Variants in TAFA2 observed in about 807,000 individuals in gnomAD.
The protein encoded by TAFA2 is TAFA chemokine like family member 2, also known as chemokine-like protein TAFA-2.
TAFA2 carries 7 observed loss-of-function variants against 18.8 expected under a neutral mutation model. That is an observed-to-expected ratio of 0.37 (90% CI 0.21 to 0.70). The LOEUF (loss-of-function observed/expected upper bound fraction) is 0.70. Among genes scored for constraint, TAFA2 ranks in the 30% least tolerant of loss-of-function variants. The pLI, the probability that TAFA2 is intolerant of heterozygous loss-of-function variation, is 0.53. For synonymous variants in TAFA2, 60 were observed against 54.2 expected (o/e 1.11, Z -0.47); for missense variants, 122 against 158.1 (o/e 0.77, Z 1.23).
intron 2 of TAFA2, among the ~76,000 whole-genome samples, chr12:61,855,505 G>A (rs1327106695): frequency 2.0e-5 from 3 of 152,030 alleles, no homozygotes; most frequent in Non-Finnish European, 4.4e-5. Flanking sequence ...GTGGGAGAAA[G>A]GAGACAGTTA....
At chr12:62,205,134 G>A (rs2062686578) in intron 1 of TAFA2, among the ~76,000 whole-genome samples, 1 of 152,168 alleles carries the variant, frequency 6.6e-6, no homozygotes, top group Non-Finnish European at 1.5e-5. Flanking sequence ...CTTCACCTGG[G>A]TCCCTCCTGC....
chr12:61,846,124 G>C (rs1873394199), intron 2 of TAFA2, among the ~76,000 whole-genome samples: 2 of 152,252 alleles, frequency 1.3e-5, no homozygotes, highest in African/African-American at 4.8e-5. Context: ...TAGCTAAAGA[G>C]CAACAAAAGT....
intron 1 of TAFA2, among the ~76,000 whole-genome samples, chr12:61,973,040 C>T (rs1879304293): frequency 6.6e-6 from 1 of 151,556 alleles, no homozygotes; most frequent in Admixed American, 6.6e-5. Flanking sequence ...AAAGATATTC[C>T]TGTGAATTAT....
intron 1 of TAFA2, among the ~76,000 whole-genome samples, chr12:62,129,299 TA>T (rs1262059848): frequency 1.3e-5 from 2 of 152,040 alleles, no homozygotes; most frequent in African/African-American, 4.8e-5. Flanking sequence ...TAAAGGAGAT[TA>T]AAAACTCATT....
intron 1 of TAFA2, among the ~76,000 whole-genome samples, chr12:62,184,064 T>C (rs2136954179): frequency 6.6e-6 from 1 of 152,324 alleles, no homozygotes; most frequent in South Asian, 2.1e-4. Flanking sequence ...CCTTTAGTCA[T>C]CACCATAATC....
chr12:62,031,437 A>G (rs535848369), intron 1 of TAFA2, among the ~76,000 whole-genome samples: 1 of 152,112 alleles, frequency 6.6e-6, no homozygotes, highest in South Asian at 2.1e-4. Context: ...CAGACGGCCT[A>G]TTGTGGGACC....
chr12:61,841,001 A>G (rs570206892), intron 2 of TAFA2, among the ~76,000 whole-genome samples: 2 of 152,214 alleles, frequency 1.3e-5, no homozygotes, highest in African/African-American at 4.8e-5. Context: ...AGCCTATTCA[A>G]ATGAATTCAT....
intron 1 of TAFA2, among the ~76,000 whole-genome samples, chr12:62,006,624 A>C (rs1482143627): frequency 1.3e-5 from 2 of 152,170 alleles, no homozygotes; most frequent in Non-Finnish European, 2.9e-5. Flanking sequence ...GGGAAATCAT[A>C]CTCAGATGGA....
intron 1 of TAFA2, among the ~76,000 whole-genome samples, chr12:62,249,147 C>A (rs1200056953): frequency 6.6e-6 from 1 of 151,900 alleles, no homozygotes; most frequent in African/African-American, 2.4e-5. Context: ...ACAATGTGAC[C>A]CTCACCCAGT....
rs1296805759 is a variant in TAFA2 at position 62,033,470 on chromosome 12, T to C, written c.-2+157789A>G. Among the ~76,000 whole-genome samples the C allele has an allele frequency of 3.3e-5, 5 of 152,198 alleles. No individual in the cohort carries two copies. The East Asian group carries it at 9.6e-4, about 29-fold the overall frequency. On this transcript the variant is annotated intron_variant, in intron 1 of 4. Coordinates refer to ENST00000416284, the MANE Select transcript of TAFA2 (RefSeq NM_178539.5). ...ATCAGATCCCAAAGACTCTGCTCCC[T>C]AGACAAAGATTTTCTTTCACCAGTG...
intron 1 of TAFA2, among the ~76,000 whole-genome samples, chr12:62,142,914 A>G (rs1352128225): frequency 1.3e-5 from 2 of 152,178 alleles, no homozygotes; most frequent in African/African-American, 4.8e-5. Flanking sequence ...GAACGCTATT[A>G]TATAAGTACT....
At chr12:61,915,935 C>T (rs770393754) in intron 1 of TAFA2, among the ~76,000 whole-genome samples, 1 of 152,192 alleles carries the variant, frequency 6.6e-6, no homozygotes, top group African/African-American at 2.4e-5. Flanking sequence ...CAATGTTTTA[C>T]CAACTAGCTC....
intron 1 of TAFA2, among the ~76,000 whole-genome samples, chr12:62,098,428 G>A (rs1869041154): frequency 6.6e-6 from 1 of 152,180 alleles, no homozygotes; most frequent in African/African-American, 2.4e-5. Flanking sequence ...AGCTTGGGCT[G>A]CAGTGGCTAT....
chr12:61,727,851 A>G (rs571464259), intron 4 of TAFA2, among the ~76,000 whole-genome samples: 1 of 151,920 alleles, frequency 6.6e-6, no homozygotes, highest in Non-Finnish European at 1.5e-5. Flanking sequence ...GCATTCAATG[A>G]CATGAACTTT....
chr12:62,098,904 G>A (rs1429823515), intron 1 of TAFA2, among the ~76,000 whole-genome samples: 1 of 152,086 alleles, frequency 6.6e-6, no homozygotes, highest in Non-Finnish European at 1.5e-5. Flanking sequence ...AGAAATTAAA[G>A]CCTAATTAGA....
chr12:61,951,223 C>G (rs1463863455), intron 1 of TAFA2, among the ~76,000 whole-genome samples: 1 of 152,124 alleles, frequency 6.6e-6, no homozygotes, highest in African/African-American at 2.4e-5. Context: ...GATTTTTCCC[C>G]AACAGCTTCA....
At chr12:61,864,649 T>A (rs529243398) in intron 2 of TAFA2, among the ~76,000 whole-genome samples, 1 of 151,474 alleles carries the variant, frequency 6.6e-6, no homozygotes, top group Non-Finnish European at 1.5e-5. Context: ...GGTGGGCACC[T>A]GTAGTCCCAG....
At chr12:61,993,295 T>C (rs567336549) in intron 1 of TAFA2, among the ~76,000 whole-genome samples, 12 of 152,308 alleles carry the variant, frequency 7.9e-5, no homozygotes, top group African/African-American at 1.9e-4. Flanking sequence ...TTTTTATCAA[T>C]GTCTCCATTC....
intron 2 of TAFA2, among the ~76,000 whole-genome samples, chr12:61,816,241 A>G (rs758097395): frequency 5.4e-4 from 81 of 151,330 alleles, no homozygotes; most frequent in Admixed American, 9.8e-4. Context: ...AGTTCTCATC[A>G]TTAGCTCCCA....
Sources: gnomAD v4.1 joint callset for allele counts (sites outside exome capture counted in the v4.1 genomes callset) on GRCh38, gnomAD v4.1.1 for gene constraint, MANE v1.5 for transcripts, NCBI Gene and HGNC (gene_info 2026-07-23, HGNC 2026-07-21) for gene names.